The following GDPD5 variants were observed in gnomAD, a reference collection of about 807,000 sequenced individuals.
The protein encoded by GDPD5 is glycerophosphodiester phosphodiesterase 2.
Under a neutral mutation model 75.1 loss-of-function variants are expected in GDPD5, and 48 were observed. The observed-to-expected ratio is 0.64, with a 90% confidence interval of 0.51 to 0.81. GDPD5 has a LOEUF of 0.81. Among genes scored for constraint, GDPD5 ranks in the 40% least tolerant of loss-of-function variants. The pLI is 0.00. For missense variants in GDPD5, 706 were observed against 822.6 expected (o/e 0.86, Z 1.73); for synonymous variants, 336 against 339.0 (o/e 0.99, Z 0.10).
rs1948825983 is a variant in GDPD5, at chr11:75,441,932, T to C, written c.1168-129A>G. ...GGCGGTGAAAGCTTAGATGAAGTCA[T>C]TAGCAGGGCAGGACTCAGTCCCAGC... is the stretch of plus-strand genomic sequence containing the variant. On this transcript the variant is annotated intron_variant, in intron 12 of 16. Transcript: ENST00000336898. The C allele has an allele frequency of 3.2e-6, 3 of 943,644 alleles. No individual in the cohort carries two copies. In the East Asian group the frequency reaches 7.9e-5, roughly 25 times the overall value. The allele number at this position is 943,644 out of a possible 1,614,324, so 58.5% of individuals were successfully genotyped here.
At chr11:75,498,438 T>C (rs12282574) in intron 1 of GDPD5, among the ~76,000 whole-genome samples, 7,593 of 151,994 alleles carry the variant, frequency 0.05, 487 homozygotes, top group African/African-American at 0.15. Context: ...TTTGATGTCC[T>C]CTATGGGCAT....
intron 3 of GDPD5, among the ~76,000 whole-genome samples, chr11:75,472,536 T>C (rs1289523231): frequency 6.6e-6 from 1 of 151,870 alleles, no homozygotes; most frequent in Non-Finnish European, 1.5e-5. Flanking sequence ...GGCAGCACCC[T>C]CCACTGCCAA....
At chr11:75,438,577 C>T (rs1948690426) in intron 15 of GDPD5, 1 of 152,346 alleles carries the variant, frequency 6.6e-6, no homozygotes, top group African/African-American at 2.4e-5. Context: ...TAGCCAGGGA[C>T]AGCATCTCCT....
chr11:75,493,229 TCACACACA>T (rs71036055), intron 1 of GDPD5, among the ~76,000 whole-genome samples: 3,587 of 140,982 alleles, frequency 0.025, 68 homozygotes, highest in Middle Eastern at 0.065. Flanking sequence ...CCCACACATC[TCACACACA>T]CACACACACA....
chr11:75,486,461 G>A (rs1565208300), intron 2 of GDPD5, among the ~76,000 whole-genome samples: 2 of 152,196 alleles, frequency 1.3e-5, no homozygotes, highest in African/African-American at 4.8e-5. Context: ...TGGCCTAGAT[G>A]ACTCACAAAT....
At chr11:75,503,081 G>A (rs1034846503) in intron 1 of GDPD5, among the ~76,000 whole-genome samples, 1 of 152,164 alleles carries the variant, frequency 6.6e-6, no homozygotes, top group Non-Finnish European at 1.5e-5. Context: ...AGTGCAGTGG[G>A]ACATCTCAGC....
intron 6 of GDPD5, among the ~76,000 whole-genome samples, chr11:75,453,532 G>A (rs957821585): frequency 4.6e-5 from 7 of 151,940 alleles, no homozygotes; most frequent in Non-Finnish European, 8.8e-5. Flanking sequence ...GCAGGAGAAT[G>A]GGGTGAACCC....
At position 75,441,875 on chromosome 11, in the gene GDPD5, GC is replaced by G. The variant is rs1470166118; in HGVS notation, c.1168-73del. On this transcript the variant is annotated intron_variant, in intron 12 of 16. Transcript: ENST00000336898. ...CGTAAGAGTACCTACTCCTCCTAGA[GC>G]ACCTGTGGGGTTAAGAGACAGGACC... 13 of 1,444,444 alleles carry G rather than the reference GC, an allele frequency of 9.0e-6. No homozygotes were observed. The East Asian group carries it at 2.9e-4, about 33-fold the overall frequency. The allele number at this position is 1,444,444 out of a possible 1,614,324, so 89.5% of individuals were successfully genotyped here.
chr11:75,482,720 C>T (rs1190947695), intron 2 of GDPD5, among the ~76,000 whole-genome samples: 2 of 152,150 alleles, frequency 1.3e-5, no homozygotes, highest in Non-Finnish European at 2.9e-5. Context: ...CTGGTGAACA[C>T]CTCCTGATCC....
rs773132266 is a variant in GDPD5 at position 75,441,780 on chromosome 11, C to T, written c.1191G>A (p.Gln397=). The change falls in exon 13 of 17, where the codon CAG becomes CAA. Residue 397 remains glutamine, a synonymous_variant. Transcript: ENST00000336898. ...GAGCCACCTTCCGCACCAGGGGCCT[C>T]TGCCTGCTAGGCAGCCACATGACCT... is the stretch of plus-strand genomic sequence containing the variant. The part of the protein sequence containing the change: ...QHQVMWLPSR[Q]RPLVRKVAPG... The T allele has an allele frequency of 3.7e-6, 6 of 1,610,122 alleles. No individual in the cohort carries two copies. The highest frequency in any genetic ancestry group is 4.2e-6 in the Non-Finnish European group (5 of 1,179,846).
intron 6 of GDPD5, chr11:75,451,791 T>C (rs1949163654): frequency 6.6e-6 from 1 of 152,220 alleles, no homozygotes; most frequent in Non-Finnish European, 1.5e-5. Flanking sequence ...ATTAAAAATG[T>C]TATTATCTCT....
intron 2 of GDPD5, among the ~76,000 whole-genome samples, chr11:75,488,321 C>T (rs1950051928): frequency 6.6e-6 from 1 of 152,144 alleles, no homozygotes; most frequent in East Asian, 1.9e-4. Flanking sequence ...CTTTCAGCAT[C>T]CCCCACCCTC....
chr11:75,441,863 ACTCCTC>A, intron 12 of GDPD5, 60 bp from the exon 13 acceptor site: 1 of 1,497,626 alleles, frequency 6.7e-7, no homozygotes, highest in Non-Finnish European at 9.0e-7. Context: ...AAGAGTACCT[ACTCCTC>A]CTAGAGCACC....
chr11:75,518,521 T>C (rs1950690084), intron 1 of GDPD5, among the ~76,000 whole-genome samples: 2 of 152,182 alleles, frequency 1.3e-5, no homozygotes, highest in South Asian at 4.1e-4. Flanking sequence ...GCAGGACTTT[T>C]AAAAGTTTCC....
intron 4 of GDPD5, among the ~76,000 whole-genome samples, chr11:75,462,518 C>G (rs1307566895): frequency 6.6e-6 from 1 of 152,234 alleles, no homozygotes; most frequent in Non-Finnish European, 1.5e-5. Flanking sequence ...GTTTCCTCCT[C>G]CTCTTTCTTG....
intron 2 of GDPD5, among the ~76,000 whole-genome samples, chr11:75,478,565 A>G (rs1160929451): frequency 6.6e-6 from 1 of 152,164 alleles, no homozygotes; most frequent in Admixed American, 6.5e-5. Flanking sequence ...ATGTCCTTAA[A>G]TATAACTTGC....
chr11:75,525,445 G>C lies in GDPD5; in HGVS notation c.-380C>G, dbSNP rs1941629252. 6.6e-6 allele frequency: 1 copy of C among 152,430 alleles called. No homozygotes were observed. Among genetic ancestry groups the C allele is most frequent in the South Asian group, 2.1e-4 (1 of 4,834 alleles). The allele number at this position is 152,430 out of a possible 1,614,324, so 9.4% of individuals were successfully genotyped here. On this transcript the variant is annotated 5_prime_UTR_variant, in exon 1 of 17. Transcript: ENST00000336898. Reference sequence around the variant, plus strand: ...TCCAAGCTGTTCCAACTGAAGGTTGGGGTCTCGTGAAGCCAGAGGCTGGGG... The same window carrying C: ...TCCAAGCTGTTCCAACTGAAGGTTGCGGTCTCGTGAAGCCAGAGGCTGGGG...
At chr11:75,520,379 G>T (rs1330510697) in intron 1 of GDPD5, among the ~76,000 whole-genome samples, 1 of 152,200 alleles carries the variant, frequency 6.6e-6, no homozygotes, top group African/African-American at 2.4e-5. Context: ...AAAAACAGAG[G>T]TGCAAAAGTT....
At chr11:75,456,317 G>A (rs1048312889) in intron 6 of GDPD5, among the ~76,000 whole-genome samples, 4 of 152,122 alleles carry the variant, frequency 2.6e-5, no homozygotes, top group East Asian at 1.9e-4. Context: ...GAATGCCATC[G>A]CCAGATCAGG....
Sources: gnomAD v4.1 joint callset for allele counts (sites outside exome capture counted in the v4.1 genomes callset) on GRCh38, gnomAD v4.1.1 for gene constraint, MANE v1.5 for transcripts, NCBI Gene and HGNC (gene_info 2026-07-23, HGNC 2026-07-21) for gene names.